Variants in ADGB observed in about 807,000 individuals in gnomAD.
ADGB encodes the protein androglobin.
In ADGB, 172 loss-of-function variants were observed where a neutral mutation model predicts 210.5. The ratio of observed to expected loss-of-function variants is 0.82; its 90% CI spans 0.72 to 0.93. The LOEUF (loss-of-function observed/expected upper bound fraction) is 0.93, where lower values mean the gene tolerates loss of function less well. Ranked by LOEUF, ADGB falls within the 40% of genes least tolerant of loss-of-function variation. The probability of loss-of-function intolerance (pLI) is 0.00; values close to 1 mark genes in which losing one functional copy is unlikely to be tolerated. For synonymous variants in ADGB, 658 were observed against 662.7 expected (o/e 0.99, Z 0.11); for missense variants, 2,025 against 1,964.8 (o/e 1.03, Z -0.58).
intron 7 of ADGB, among the ~76,000 whole-genome samples, chr6:146,668,925 C>G (rs1775971419): frequency 6.6e-6 from 1 of 152,102 alleles, no homozygotes. Flanking sequence ...TGCATGGTCT[C>G]TCTGTGAACA....
intron 1 of ADGB, among the ~76,000 whole-genome samples, chr6:146,600,958 AC>A: frequency 6.6e-6 from 1 of 151,438 alleles, no homozygotes; most frequent in Non-Finnish European, 1.5e-5. Flanking sequence ...ACACACACAC[AC>A]ACACACAAAT....
At chr6:146,803,691 TG>T in intron 35 of ADGB, 3 of 1,218,232 alleles carry the variant, frequency 2.5e-6, no homozygotes, top group Non-Finnish European at 3.6e-6. Context: ...TTTTTAACAT[TG>T]TGAGTTTCCG....
intron 9 of ADGB, among the ~76,000 whole-genome samples, chr6:146,678,073 G>A (rs1206136931): frequency 6.6e-6 from 1 of 152,092 alleles, no homozygotes; most frequent in Non-Finnish European, 1.5e-5. Flanking sequence ...AAATCTAAGT[G>A]CATTTCTGAT....
chr6:146,769,751 TA>T (rs1435580590), intron 29 of ADGB, among the ~76,000 whole-genome samples: 2 of 152,174 alleles, frequency 1.3e-5, no homozygotes, highest in East Asian at 3.8e-4. Flanking sequence ...TGCCTAATCA[TA>T]AAATAATATA....
intron 35 of ADGB, among the ~76,000 whole-genome samples, chr6:146,811,050 C>T (rs948049653): frequency 1.3e-5 from 2 of 152,054 alleles, no homozygotes; most frequent in Admixed American, 6.5e-5. Flanking sequence ...TACATCTGCC[C>T]ACTTGTATAT....
intron 2 of ADGB, among the ~76,000 whole-genome samples, chr6:146,640,660 C>A (rs1030881158): frequency 1.3e-5 from 2 of 151,892 alleles, no homozygotes; most frequent in Admixed American, 6.6e-5. Context: ...AAGACAAAAA[C>A]CACATGAATA....
chr6:146,737,172 G>C (rs1490647154), intron 23 of ADGB, among the ~76,000 whole-genome samples: 1 of 151,756 alleles, frequency 6.6e-6, no homozygotes, highest in East Asian at 1.9e-4. Context: ...AAACATGACT[G>C]TTATGAAAAT....
At chr6:146,654,083 C>T (rs1206743766) in intron 3 of ADGB, 52 bp from the exon 4 acceptor site, 1 of 1,228,626 alleles carries the variant, frequency 8.1e-7, no homozygotes, top group Non-Finnish European at 1.1e-6. Flanking sequence ...CATTAAATTA[C>T]TTTTTTATTA....
chr6:146,749,701 G>A (rs574346771), intron 26 of ADGB, among the ~76,000 whole-genome samples: 6 of 152,216 alleles, frequency 3.9e-5, no homozygotes, highest in African/African-American at 1.2e-4. Flanking sequence ...GAGAAAAGAG[G>A]TTTAAGTGAC....
intron 1 of ADGB, among the ~76,000 whole-genome samples, chr6:146,625,465 T>C (rs1297237493): frequency 6.6e-6 from 1 of 152,110 alleles, no homozygotes. Flanking sequence ...TAACACATAG[T>C]TGGTGGTATG....
intron 1 of ADGB, among the ~76,000 whole-genome samples, chr6:146,634,578 C>A (rs537110332): frequency 6.6e-6 from 1 of 151,964 alleles, no homozygotes; most frequent in East Asian, 1.9e-4. Context: ...CAAGGTTTAG[C>A]AATATGGGAA....
intron 35 of ADGB, among the ~76,000 whole-genome samples, chr6:146,812,780 C>T (rs965345843): frequency 6.6e-6 from 1 of 152,196 alleles, no homozygotes; most frequent in Non-Finnish European, 1.5e-5. Context: ...TTTATGGGAA[C>T]ATACACATTT....
chr6:146,815,084 G>T lies in ADGB; in HGVS notation c.4871G>T (p.Arg1624Ile). 3 of 1,548,700 alleles carry T rather than the reference G, an allele frequency of 1.9e-6. No homozygotes were observed. The highest frequency in any genetic ancestry group is 2.6e-6 in the Non-Finnish European group (3 of 1,146,282). The change falls in exon 36 of 36, where the codon AGA becomes ATA. Residue 1624 changes from arginine (R) to isoleucine (I), a missense_variant. By Grantham distance (97) the Arg-to-Ile change is moderately conservative. Transcript: ENST00000397944. ...QKIFDIREEY[R>I]NKLLEAEHLK... The stretch of plus-strand genomic sequence containing the variant: ...ATTTTCGACATCCGGGAAGAGTACA[G>T]AAACAAATTGCTGGAAGCTGAGCAC...
intron 5 of ADGB, 94 bp downstream of exon 5, chr6:146,657,074 C>T (rs1473854463): frequency 6.0e-6 from 7 of 1,165,420 alleles, no homozygotes; most frequent in Non-Finnish European, 8.5e-6. Flanking sequence ...AATCGCAGCA[C>T]TTTGGGAGGC....
At chr6:146,653,433 C>T (rs1282365341) in intron 3 of ADGB, among the ~76,000 whole-genome samples, 1 of 152,116 alleles carries the variant, frequency 6.6e-6, no homozygotes, top group Non-Finnish European at 1.5e-5. Context: ...TTTTAAAGTA[C>T]TTTTTAATCT....
intron 27 of ADGB, among the ~76,000 whole-genome samples, chr6:146,753,061 C>G (rs867530538): frequency 1.3e-5 from 2 of 151,844 alleles, no homozygotes; most frequent in African/African-American, 2.4e-5. Context: ...TTAACAAAAA[C>G]TAAAGTTACT....
chr6:146,605,714 G>T (rs921359317), intron 1 of ADGB, among the ~76,000 whole-genome samples: 1 of 152,124 alleles, frequency 6.6e-6, no homozygotes, highest in African/African-American at 2.4e-5. Context: ...GACATTTTAT[G>T]AATGTCAGTT....
At chr6:146,726,265 G>A (rs1776893931) in intron 19 of ADGB, 68 bp downstream of exon 19, 1 of 1,103,558 alleles carries the variant, frequency 9.1e-7, no homozygotes, top group Non-Finnish European at 1.3e-6. Context: ...ACTGTTGCCA[G>A]GGCTGGAGTG....
chr6:146,606,718 T>G (rs569447564), intron 1 of ADGB, among the ~76,000 whole-genome samples: 1 of 152,290 alleles, frequency 6.6e-6, no homozygotes, highest in South Asian at 2.1e-4. Context: ...TGTAGGTAGG[T>G]AGCTTTATTT....
Sources: gnomAD v4.1 joint callset for allele counts (sites outside exome capture counted in the v4.1 genomes callset) on GRCh38, gnomAD v4.1.1 for gene constraint, MANE v1.5 for transcripts, NCBI Gene and HGNC (gene_info 2026-07-23, HGNC 2026-07-21) for gene names.